Variants in ZNF717 observed in about 807,000 individuals in gnomAD.
ZNF717 encodes the protein krueppel-like factor X17.
Under a neutral mutation model 13.8 loss-of-function variants are expected in ZNF717, and 9 were observed. The ratio of observed to expected loss-of-function variants is 0.65; its 90% CI spans 0.39 to 1.14. ZNF717 has a LOEUF of 1.14. Ranked by LOEUF, ZNF717 falls within the 50% of genes most tolerant of loss-of-function variation. ZNF717 has a pLI of 0.01. For missense variants in ZNF717, 1,040 were observed against 1,080.7 expected (o/e 0.96, Z 0.53); for synonymous variants, 327 against 364.1 (o/e 0.90, Z 1.16).
At position 75,738,073 on chromosome 3, in the gene ZNF717, C is replaced by T. The variant is rs112847134; in HGVS notation, c.1550G>A (p.Arg517His). The T allele has an allele frequency of 2.9e-5, 43 of 1,463,544 alleles. No homozygotes were observed. The highest frequency in any genetic ancestry group is 1.7e-4 in the Middle Eastern group (1 of 5,832). 90.7% of individuals were successfully genotyped at this position (1,463,544 alleles called of 1,614,324 possible). A position where few individuals can be genotyped will look rare whatever the true frequency, so the allele number is the denominator to read the frequency against. ...YECNECGKTFRCKSFLTVHQR... is the reference protein window; with the variant it reads ...YECNECGKTFHCKSFLTVHQR... The stretch of plus-strand genomic sequence containing the variant: ...ATGGACAGTGAGGAATGACTTACAG[C>T]GAAAGGTTTTCCCACATTCATTGCA... Residue 517 changes from arginine to histidine, a missense_variant, in exon 5 of 5, where the codon CGC (arginine) becomes CAC (histidine). By Grantham distance (29) the Arg-to-His change is conservative. Coordinates refer to ENST00000652011, the MANE Select transcript of ZNF717 (RefSeq NM_001290208.3).
chr3:75,729,616 A>AAAAAG (rs1938399669), downstream of ZNF717, among the ~76,000 whole-genome samples: 2 of 9,352 alleles, frequency 2.1e-4, no homozygotes, highest in Non-Finnish European at 1.0e-3. Flanking sequence ...ACTCCATATC[A>AAAAAG]AAAAAAAAAA....
intron 5 of ZNF717, among the ~76,000 whole-genome samples, chr3:75,713,578 A>G (rs1937987797): frequency 6.6e-6 from 1 of 152,224 alleles, no homozygotes; most frequent in Non-Finnish European, 1.5e-5. Context: ...GCAATATAGA[A>G]AGTCATATGG....
chr3:75,779,118 G>A (rs111925599), intron 2 of ZNF717, among the ~76,000 whole-genome samples: 2,806 of 149,122 alleles, frequency 0.019, 134 homozygotes, highest in African/African-American at 0.066. Context: ...TGGGATTGAC[G>A]TGCTAAAACC....
At position 75,741,594 on chromosome 3, in the gene ZNF717, G is replaced by C. The variant is rs1362240733; in HGVS notation, c.184+16C>G. ...ACAAAATACAATCCTGGGAGTTACT[G>C]GCAAGTTTCACTCACCCAATGATAC... On this transcript the variant is annotated intron_variant, in intron 3 of 4. Coordinates refer to ENST00000652011, the MANE Select transcript of ZNF717 (RefSeq NM_001290208.3). 2 of 1,593,788 alleles carry C rather than the reference G, an allele frequency of 1.3e-6. No homozygotes were observed. The highest frequency in any genetic ancestry group is 1.7e-6 in the Non-Finnish European group (2 of 1,169,836).
intron 6 of ZNF717, among the ~76,000 whole-genome samples, chr3:75,701,455 G>T (rs1174700311): frequency 6.6e-6 from 1 of 152,312 alleles, no homozygotes; most frequent in African/African-American, 2.4e-5. Flanking sequence ...TGGATCACTA[G>T]GTCAGGAGTT....
At chr3:75,766,992 CCTCT>C (rs1350794729) in intron 2 of ZNF717, among the ~76,000 whole-genome samples, 3 of 152,370 alleles carry the variant, frequency 2.0e-5, no homozygotes, top group South Asian at 2.1e-4. Flanking sequence ...CTTTCCTGCT[CCTCT>C]CTCTGTGAGA....
chr3:75,759,813 C>G (rs1416412523), intron 2 of ZNF717, among the ~76,000 whole-genome samples: 1 of 152,118 alleles, frequency 6.6e-6, no homozygotes, highest in African/African-American at 2.4e-5. Flanking sequence ...ATGTGATCTG[C>G]CCACCTCAGC....
At chr3:75,750,949 C>T (rs1391019308) in intron 2 of ZNF717, among the ~76,000 whole-genome samples, 6 of 141,404 alleles carry the variant, frequency 4.2e-5, no homozygotes, top group Non-Finnish European at 7.9e-5. Context: ...ACATAGGATT[C>T]CAGAACACTC....
intron 2 of ZNF717, among the ~76,000 whole-genome samples, chr3:75,754,072 G>C (rs62268078): frequency 0.16 from 23,771 of 151,920 alleles, 841 homozygotes; most frequent in African/African-American, 0.16. Context: ...CACTAGAGTC[G>C]TTGCGAGTGT....
chr3:75,771,175 T>C (rs971472167), intron 2 of ZNF717, among the ~76,000 whole-genome samples: 3 of 152,176 alleles, frequency 2.0e-5, no homozygotes, highest in Non-Finnish European at 4.4e-5. Context: ...CACTGCTGAG[T>C]GTTCAGCTGT....
exon 6 of ZNF717, chr3:75,710,890 A>G (rs1370499933): frequency 3.9e-4 from 60 of 152,288 alleles, no homozygotes; most frequent in African/African-American, 1.4e-3. Context: ...TTTCTTTAGA[A>G]ACAGAACTTT....
intron 2 of ZNF717, among the ~76,000 whole-genome samples, chr3:75,743,204 T>G (rs1197014364): frequency 6.6e-6 from 1 of 152,242 alleles, no homozygotes; most frequent in Non-Finnish European, 1.5e-5. Context: ...TGACTGAACT[T>G]TAACTCTTTA....
intron 2 of ZNF717, among the ~76,000 whole-genome samples, chr3:75,756,478 C>T (rs1942485318): frequency 6.6e-6 from 1 of 152,238 alleles, no homozygotes; most frequent in African/African-American, 2.4e-5. Flanking sequence ...AGCTAGACCT[C>T]ATGCAACAAA....
At chr3:75,727,132 CTTACT>C (rs1164491279), downstream of ZNF717, among the ~76,000 whole-genome samples, 9 of 152,262 alleles carry the variant, frequency 5.9e-5, no homozygotes, top group South Asian at 2.1e-4. Context: ...TTATGCCTGT[CTTACT>C]TTAATCTCCT....
At chr3:75,752,976 C>T (rs1218730783) in intron 2 of ZNF717, among the ~76,000 whole-genome samples, 30 of 125,812 alleles carry the variant, frequency 2.4e-4, no homozygotes, top group Non-Finnish European at 2.4e-4. Context: ...TCTGAATGTC[C>T]CTCACATAGG....
At chr3:75,722,377 C>A (rs1296621310) in intron 4 of ZNF717, among the ~76,000 whole-genome samples, 1 of 152,138 alleles carries the variant, frequency 6.6e-6, no homozygotes, top group African/African-American at 2.4e-5. Context: ...TACATTTTTG[C>A]AAAATGTCTG....
At chr3:75,732,375 A>T (rs2918501), downstream of ZNF717, among the ~76,000 whole-genome samples, 13 of 148,736 alleles carry the variant, frequency 8.7e-5, no homozygotes, top group Admixed American at 4.0e-4. Context: ...AATGAGGCCC[A>T]GTCGTAAGAC....
At chr3:75,758,418 A>C (rs1942683654) in intron 2 of ZNF717, among the ~76,000 whole-genome samples, 1 of 152,140 alleles carries the variant, frequency 6.6e-6, no homozygotes. Flanking sequence ...ATTTAGAATA[A>C]ACTCAGTTGG....
At chr3:75,724,361 C>T (rs1424427460) in intron 4 of ZNF717, among the ~76,000 whole-genome samples, 3 of 151,398 alleles carry the variant, frequency 2.0e-5, no homozygotes, top group Non-Finnish European at 2.9e-5. Flanking sequence ...CCCACAGACC[C>T]TGTAGGGCTC....
Sources: gnomAD v4.1 joint callset for allele counts (sites outside exome capture counted in the v4.1 genomes callset) on GRCh38, gnomAD v4.1.1 for gene constraint, MANE v1.5 for transcripts, NCBI Gene and HGNC (gene_info 2026-07-23, HGNC 2026-07-21) for gene names.